EML5: variants seen among roughly 807,000 people sequenced by gnomAD.
EML5 encodes EMAP like 5, also known as echinoderm microtubule-associated protein-like 5.
In EML5, 120 loss-of-function variants were observed where a neutral mutation model predicts 250.0. The observed-to-expected ratio is 0.48, with a 90% CI of 0.41 to 0.56. EML5 has a LOEUF of 0.56. Ranked by LOEUF, EML5 falls within the 20% of genes least tolerant of loss-of-function variation. The probability of loss-of-function intolerance (pLI) is 0.00; values close to 1 mark genes in which losing one functional copy is unlikely to be tolerated. For synonymous variants in EML5, 771 were observed against 806.5 expected (o/e 0.96, Z 0.75); for missense variants, 2,006 against 2,437.6 (o/e 0.82, Z 3.73).
chr14:88,686,094 A>C (rs1468024007), intron 19 of EML5, among the ~76,000 whole-genome samples: 1 of 152,138 alleles, frequency 6.6e-6, no homozygotes, highest in Non-Finnish European at 1.5e-5. Context: ...AGAGCAGTGG[A>C]ATCTAACTTT....
chr14:88,783,778 C>T (rs1468693184), intron 1 of EML5, among the ~76,000 whole-genome samples: 1 of 152,184 alleles, frequency 6.6e-6, no homozygotes, highest in East Asian at 1.9e-4. Flanking sequence ...AACACAGAAA[C>T]ATCTGACTTA....
rs147994469 is a variant in EML5, at chr14:88,775,610, G to A, written c.197+16697C>T. Among the ~76,000 whole-genome samples, 857 of 152,272 alleles carry A rather than the reference G, an allele frequency of 5.6e-3. 7 individuals are homozygous for A. The highest frequency in any genetic ancestry group is 0.02 in the African/African-American group (826 of 41,548). ...CATCCACAGTACAACAGAACACCAGGTAGACTTCTAAGGTTTTTGACTCTA... is the reference window on the plus strand; with the variant it reads ...CATCCACAGTACAACAGAACACCAGATAGACTTCTAAGGTTTTTGACTCTA... On this transcript the variant is annotated intron_variant, in intron 1 of 43. Coordinates refer to ENST00000554922, the MANE Select transcript of EML5 (RefSeq NM_183387.3).
At chr14:88,655,069 T>C (rs891341804) in intron 27 of EML5, among the ~76,000 whole-genome samples, 2 of 152,070 alleles carry the variant, frequency 1.3e-5, no homozygotes, top group Admixed American at 1.3e-4. Context: ...TGGTTTAAAG[T>C]AGATTCAATG....
At chr14:88,690,022 A>G (rs2092921868) in intron 17 of EML5, among the ~76,000 whole-genome samples, 1 of 152,142 alleles carries the variant, frequency 6.6e-6, no homozygotes, top group Non-Finnish European at 1.5e-5. Context: ...CTAAATGAAG[A>G]CTTGAAGGAG....
intron 10 of EML5, among the ~76,000 whole-genome samples, chr14:88,710,125 G>A (rs2093380140): frequency 6.6e-6 from 1 of 152,104 alleles, no homozygotes; most frequent in Non-Finnish European, 1.5e-5. Flanking sequence ...TGCTGCCTAG[G>A]AAGAGTCCTG....
chr14:88,668,290 G>C (rs906329957), intron 21 of EML5, among the ~76,000 whole-genome samples: 1 of 152,176 alleles, frequency 6.6e-6, no homozygotes, highest in Non-Finnish European at 1.5e-5. Flanking sequence ...GAAAAGTCCG[G>C]GGAGAAGCGC....
intron 8 of EML5, 109 bp downstream of exon 8, chr14:88,726,432 T>C (rs1201871476): frequency 1.8e-5 from 14 of 780,294 alleles, no homozygotes; most frequent in Admixed American, 4.0e-5. Context: ...AAAGGATAAA[T>C]AGGTAAAAAC....
chr14:88,751,953 A>G (rs936120471), intron 2 of EML5, among the ~76,000 whole-genome samples: 5 of 152,232 alleles, frequency 3.3e-5, no homozygotes, highest in African/African-American at 1.2e-4. Flanking sequence ...AATAGCATCT[A>G]TTCCAAAGGG....
chr14:88,655,373 G>A (rs890880420), intron 27 of EML5, among the ~76,000 whole-genome samples: 5 of 152,120 alleles, frequency 3.3e-5, no homozygotes, highest in Non-Finnish European at 7.4e-5. Flanking sequence ...AACAAGCAAT[G>A]AGAAAGGATT....
At chr14:88,658,533 A>G (rs1244201743) in intron 25 of EML5, 145 bp from the exon 26 acceptor site, 9 of 664,004 alleles carry the variant, frequency 1.4e-5, no homozygotes, top group Non-Finnish European at 1.9e-5. Flanking sequence ...ACTGAAACTC[A>G]GCAGAATAAA....
intron 33 of EML5, 21 bp from the exon 34 acceptor site, chr14:88,627,840 A>G (rs762665676): frequency 1.0e-5 from 16 of 1,550,700 alleles, no homozygotes; most frequent in Non-Finnish European, 1.3e-5. Context: ...ATAGTATCAA[A>G]AAGTTGTAAT....
At chr14:88,675,005 G>A (rs958789353) in intron 21 of EML5, among the ~76,000 whole-genome samples, 2 of 152,230 alleles carry the variant, frequency 1.3e-5, no homozygotes, top group African/African-American at 2.4e-5. Flanking sequence ...GGTTCCCATG[G>A]TCTTGGGCAG....
intron 17 of EML5, among the ~76,000 whole-genome samples, chr14:88,690,017 T>C (rs1025045097): frequency 6.6e-6 from 1 of 152,096 alleles, no homozygotes; most frequent in African/African-American, 2.4e-5. Flanking sequence ...TGTATCTAAA[T>C]GAAGACTTGA....
In EML5 at chr14:88,687,334, A is replaced by G. The variant is rs768089407; in HGVS notation, c.2743-7T>C. The stretch of plus-strand genomic sequence containing the variant: ...TTCCTCCAGTTACAAACCCCTATGG[A>G]AAAAAAAAGGTTCAAGTTAATAAAG... On this transcript the variant is annotated splice_region_variant and splice_polypyrimidine_tract_variant and intron_variant, in intron 18 of 43. Coordinates refer to ENST00000554922, the MANE Select transcript of EML5 (RefSeq NM_183387.3). 68 of 1,516,854 alleles carry G rather than the reference A, an allele frequency of 4.5e-5. 1 individual carries two copies. The Admixed American group carries it at 1.0e-3, about 23-fold the overall frequency. 94.0% of individuals were successfully genotyped at this position (1,516,854 alleles called of 1,614,324 possible).
intron 36 of EML5, chr14:88,624,478 T>G (rs1254450758): frequency 1.9e-5 from 3 of 154,054 alleles, no homozygotes; most frequent in African/African-American, 7.2e-5. Context: ...AAGAGACCTC[T>G]TCTCAAATTT....
chr14:88,667,671 C>G (rs2092343258), intron 21 of EML5, among the ~76,000 whole-genome samples: 2 of 152,138 alleles, frequency 1.3e-5, no homozygotes, highest in South Asian at 4.2e-4. Flanking sequence ...AAGGCCAAAA[C>G]AGAAGTGACT....
chr14:88,776,864 G>A (rs1260975493), intron 1 of EML5, among the ~76,000 whole-genome samples: 1 of 152,086 alleles, frequency 6.6e-6, no homozygotes, highest in Non-Finnish European at 1.5e-5. Context: ...ATGGGTGACA[G>A]AGCAAGACCC....
Position 88,693,432 on chromosome 14 carries a change from G to C in EML5, c.2539+875C>G, listed in dbSNP as rs188958434. Among the ~76,000 whole-genome samples the C allele has an allele frequency of 2.1e-3, 319 of 152,244 alleles. 2 individuals are homozygous for C. Among genetic ancestry groups the C allele is most frequent in the African/African-American group, 7.6e-3 (315 of 41,546 alleles). ...GGAACTCCCATTTATAAAACCATCA[G>C]ATCTCATGAGACGTATTCACTTCCA... On this transcript the variant is annotated intron_variant, in intron 17 of 43. Coordinates refer to ENST00000554922, the MANE Select transcript of EML5 (RefSeq NM_183387.3).
chr14:88,737,385 C>T (rs768180380), intron 6 of EML5, among the ~76,000 whole-genome samples: 13 of 152,232 alleles, frequency 8.5e-5, no homozygotes, highest in Non-Finnish European at 1.8e-4. Flanking sequence ...ACACCCGGCC[C>T]AGCCACAGGC....
Sources: allele counts gnomAD v4.1 joint callset (sites outside exome capture counted in the v4.1 genomes callset), GRCh38; gene constraint gnomAD v4.1.1; transcripts MANE v1.5; gene names NCBI Gene and HGNC (gene_info 2026-07-23, HGNC 2026-07-21).